Variants in CFAP52 observed in about 807,000 individuals in gnomAD.
CFAP52 encodes the protein cilia and flagella associated protein 52.
CFAP52 carries 57 observed loss-of-function variants against 70.5 expected under a neutral mutation model. That is an observed-to-expected ratio of 0.81 (90% CI 0.65 to 1.01). CFAP52 has a LOEUF of 1.01. Ranked by LOEUF, CFAP52 falls within the 50% of genes least tolerant of loss-of-function variation. The pLI is 0.00. For missense variants in CFAP52, 785 were observed against 788.5 expected, an observed-to-expected ratio of 1.00 and a Z score of 0.05; for synonymous variants, 267 against 292.5, an observed-to-expected ratio of 0.91 and a Z score of 0.89.
intron 8 of CFAP52, among the ~76,000 whole-genome samples, chr17:9,614,916 G>A (rs532400581): frequency 6.6e-6 from 1 of 152,254 alleles, no homozygotes; most frequent in East Asian, 1.9e-4. Context: ...ATGCAATTTT[G>A]TAATCAGAGC....
chr17:9,583,602 G>A (rs900755125), intron 1 of CFAP52, among the ~76,000 whole-genome samples: 3 of 151,922 alleles, frequency 2.0e-5, no homozygotes, highest in African/African-American at 7.3e-5. Flanking sequence ...TTAAAATAGA[G>A]GTATTTTATA....
chr17:9,593,629 T>A (rs933252729), intron 3 of CFAP52, among the ~76,000 whole-genome samples: 1 of 151,964 alleles, frequency 6.6e-6, no homozygotes, highest in Non-Finnish European at 1.5e-5. Flanking sequence ...CTAATTTTTT[T>A]ATTTTCAGTA....
At chr17:9,590,969 G>T (rs906763704) in intron 3 of CFAP52, among the ~76,000 whole-genome samples, 3 of 147,594 alleles carry the variant, frequency 2.0e-5, no homozygotes, top group African/African-American at 7.4e-5. Context: ...CTTCTACACA[G>T]AGGAAAAGAA....
Position 9,635,423 on chromosome 17 carries a change from G to T in CFAP52, c.1339G>T (p.Gly447Cys). 1 of 1,614,134 alleles carries T rather than the reference G, an allele frequency of 6.2e-7. No individual in the cohort carries two copies. Among genetic ancestry groups the T allele is most frequent in the Non-Finnish European group, 8.5e-7 (1 of 1,180,040 alleles). ...CTTTCAGGTGAGGGTATGGCAGATA[G>T]GCTGTCAGACCCAGAAGCTGGAGGA... ...GEGEVRVWQI[G>C]CQTQKLEEAL... The change falls in exon 11 of 14, where the codon GGC becomes TGC. Residue 447 changes from glycine (G) to cysteine (C), a missense_variant. Coordinates refer to ENST00000352665, the MANE Select transcript of CFAP52 (RefSeq NM_145054.5).
chr17:9,610,798 C>A (rs1403731591), intron 7 of CFAP52, among the ~76,000 whole-genome samples: 1 of 152,174 alleles, frequency 6.6e-6, no homozygotes, highest in African/African-American at 2.4e-5. Context: ...CTTGGCCTCC[C>A]AAAGTGCTAG....
intron 11 of CFAP52, among the ~76,000 whole-genome samples, chr17:9,637,544 C>T (rs1910866294): frequency 6.6e-6 from 1 of 152,186 alleles, no homozygotes; most frequent in South Asian, 2.1e-4. Context: ...TTTCTTGGTA[C>T]AGTATCTAAG....
downstream of CFAP52, chr17:9,643,491 A>T: frequency 4.0e-6 from 1 of 248,966 alleles, no homozygotes; most frequent in Non-Finnish European, 7.5e-6. Context: ...AAACCCACAG[A>T]CCTTCCTCAT....
intron 9 of CFAP52, among the ~76,000 whole-genome samples, chr17:9,631,214 C>A (rs1293897676): frequency 6.6e-6 from 1 of 151,858 alleles, no homozygotes; most frequent in Non-Finnish European, 1.5e-5. Flanking sequence ...GAATTTCTGT[C>A]CTCCTTTACC....
Position 9,643,154 on chromosome 17 carries a change from G to T in CFAP52, c.1819G>T (p.Ala607Ser), listed in dbSNP as rs1426765260. ...AAATCAATATATTGTTAGTGTAAGT[G>T]CCGATGGAGCCATTTTGCGATGGAA... The part of the protein sequence containing the change: ...PGNQYIVSVS[A>S]DGAILRWKYP... Residue 607 changes from alanine to serine, a missense_variant, in exon 14 of 14, where the codon GCC (alanine) becomes TCC (serine). Coordinates refer to ENST00000352665, the MANE Select transcript of CFAP52 (RefSeq NM_145054.5). The T allele has an allele frequency of 6.2e-7, 1 of 1,612,822 alleles. No individual in the cohort carries two copies. Among genetic ancestry groups the T allele is most frequent in the South Asian group, 1.1e-5 (1 of 90,612 alleles).
rs778783448 is a variant in CFAP52 at position 9,600,179 on chromosome 17, G to C, written c.749G>C (p.Ser250Thr). 1 of 1,613,628 alleles carries C rather than the reference G, an allele frequency of 6.2e-7. No homozygotes were observed. Among genetic ancestry groups the C allele is most frequent in the South Asian group, 1.1e-5 (1 of 91,068 alleles). Residue 250 changes from serine (S) to threonine (T), a missense_variant, in exon 6 of 14, where the codon AGT becomes ACT. Ser to Thr is a moderately conservative substitution (Grantham distance 58). Transcript: ENST00000352665. ...TDVGPAKDKF[S>T]LGVSAIRCLK... Reference sequence around the variant, plus strand: ...GTTGGGCCTGCGAAGGACAAATTCAGTTTGGTGAGTAGAGACCATCGCCAC... The same window carrying C: ...GTTGGGCCTGCGAAGGACAAATTCACTTTGGTGAGTAGAGACCATCGCCAC...
At chr17:9,634,506 C>T (rs77377585) in intron 10 of CFAP52, among the ~76,000 whole-genome samples, 2,414 of 152,062 alleles carry the variant, frequency 0.016, 79 homozygotes, top group African/African-American at 0.055. Flanking sequence ...TTAGGCCAGG[C>T]GTGGTGAGTT....
chr17:9,631,033 AGAG>A (rs1567634851), intron 9 of CFAP52, among the ~76,000 whole-genome samples: 27 of 66,578 alleles, frequency 4.1e-4, no homozygotes, highest in African/African-American at 1.6e-3. Context: ...AAAGAAAGAG[AGAG>A]AGAGAGAGAG....
intron 13 of CFAP52, among the ~76,000 whole-genome samples, chr17:9,642,041 A>G (rs1220977321): frequency 6.6e-6 from 1 of 152,218 alleles, no homozygotes; most frequent in Non-Finnish European, 1.5e-5. Flanking sequence ...ACATTTGCAC[A>G]AGAGCCTTAA....
chr17:9,639,542 C>A (rs1476156447), intron 12 of CFAP52, among the ~76,000 whole-genome samples: 1 of 152,132 alleles, frequency 6.6e-6, no homozygotes. Context: ...CAAGGGGTCC[C>A]TGCTCTCATG....
At chr17:9,643,777 T>C (rs567217659), downstream of CFAP52, among the ~76,000 whole-genome samples, 7 of 152,352 alleles carry the variant, frequency 4.6e-5, no homozygotes, top group South Asian at 1.5e-3. Flanking sequence ...ATGCATGCTT[T>C]CTCAAAGAAA....
rs920396220 is a variant in CFAP52 at position 9,628,673 on chromosome 17, G to A, written c.1027G>A (p.Gly343Ser). 4 of 1,612,710 alleles carry A rather than the reference G, an allele frequency of 2.5e-6. No homozygotes were observed. In the Admixed American group the frequency reaches 6.7e-5, roughly 27 times the overall value. The change falls in exon 9 of 14, where the codon GGC becomes AGC. Residue 343 changes from glycine to serine, a missense_variant and splice_region_variant. By Grantham distance (56) the Gly-to-Ser change is moderately conservative. Coordinates refer to ENST00000352665, the MANE Select transcript of CFAP52 (RefSeq NM_145054.5). ...CATCTCTTGATGGCTTCCTTGCAGT[G>A]GCACTGCTGAGCTATTTGCAACCTG... The part of the protein sequence containing the change: ...DAVEDIVFPF[G>S]TAELFATCAK...
intron 13 of CFAP52, among the ~76,000 whole-genome samples, chr17:9,642,070 A>G (rs896381477): frequency 6.6e-6 from 1 of 152,222 alleles, no homozygotes; most frequent in Non-Finnish European, 1.5e-5. Context: ...ATAAAAGCCA[A>G]GACTTAGATT....
chr17:9,641,639 T>G (rs1370967098), intron 12 of CFAP52, 85 bp from the exon 13 acceptor site: 9 of 976,652 alleles, frequency 9.2e-6, no homozygotes, highest in Non-Finnish European at 1.3e-5. Context: ...CCCTTCTATA[T>G]AAAGTAGAGC....
At position 9,608,191 on chromosome 17, in the gene CFAP52, T is replaced by C. The variant is rs779089512; in HGVS notation, c.826T>C (p.Cys276Arg). 2 of 1,611,564 alleles carry C rather than the reference T, an allele frequency of 1.2e-6. No homozygotes were observed. Among genetic ancestry groups the C allele is most frequent in the Non-Finnish European group, 1.7e-6 (2 of 1,178,594 alleles). ...CTCTGGAGCCGGACTGCTGGTCTTCTGTAAAAGCCCTGGCTACAAACCCAT... is the reference window on the plus strand; with the variant it reads ...CTCTGGAGCCGGACTGCTGGTCTTCCGTAAAAGCCCTGGCTACAAACCCAT... ...VGSGAGLLVFCKSPGYKPIKK... is the reference protein window; with the variant it reads ...VGSGAGLLVFRKSPGYKPIKK... Residue 276 changes from cysteine (C) to arginine (R), a missense_variant, in exon 7 of 14, where the codon TGT becomes CGT. Cys to Arg is a radical substitution (Grantham distance 180, BLOSUM62 -3). Coordinates refer to ENST00000352665, the MANE Select transcript of CFAP52 (RefSeq NM_145054.5).
Sources: allele counts gnomAD v4.1 joint callset (sites outside exome capture counted in the v4.1 genomes callset), GRCh38; gene constraint gnomAD v4.1.1; transcripts MANE v1.5; gene names NCBI Gene and HGNC (gene_info 2026-07-23, HGNC 2026-07-21).